HYAL3: variants seen among roughly 807,000 people sequenced by gnomAD.
The protein encoded by HYAL3 is hyaluronidase-3.
In HYAL3, 25 loss-of-function variants were observed where a neutral mutation model predicts 29.6. The ratio of observed to expected loss-of-function variants is 0.85; its 90% CI spans 0.62 to 1.18. The LOEUF is 1.18. Ranked by LOEUF, HYAL3 falls within the 50% of genes most tolerant of loss-of-function variation. The pLI, the probability that HYAL3 is intolerant of heterozygous loss-of-function variation, is 0.00. For synonymous variants in HYAL3, 215 were observed against 218.3 expected (o/e 0.99, Z 0.13); for missense variants, 442 against 548.4 (o/e 0.81, Z 1.94).
Position 50,294,793 on chromosome 3 carries a change from C to T in HYAL3, c.810G>A (p.Val270=). The T allele has an allele frequency of 6.6e-7, 1 of 1,519,058 alleles. No homozygotes were observed. The highest frequency in any genetic ancestry group is 8.8e-7 in the Non-Finnish European group (1 of 1,131,324). The allele number at this position is 1,519,058 out of a possible 1,614,324, so 94.1% of individuals were successfully genotyped here. Residue 270 remains valine, a synonymous_variant, in exon 2 of 4, where the codon GTG becomes GTA. Coordinates refer to ENST00000336307, the MANE Select transcript of HYAL3 (RefSeq NM_003549.4). ...GGGGATGTCGGTGCCCAACAAGGGC[C>T]ACACGGAAGGCCTCCTCCAGGCGAT... ...VRHRLEEAFR[V]ALVGHRHPLP...
At chr3:50,296,535 G>A (rs1239103742) in intron 1 of HYAL3, 137 of 1,550,766 alleles carry the variant, frequency 8.8e-5, no homozygotes, top group Non-Finnish European at 1.2e-4. Flanking sequence ...ATGGTCAGTG[G>A]GCTGAGGCTT....
intron 1 of HYAL3, chr3:50,298,823 G>C (rs782199464): frequency 7.3e-5 from 86 of 1,182,020 alleles, no homozygotes; most frequent in Non-Finnish European, 8.9e-5. Context: ...CCCCTCACCT[G>C]CATCAGCCAC....
At chr3:50,293,841 ACT>A (rs1701750340) in intron 2 of HYAL3, 120 bp from the exon 3 acceptor site, 15 of 906,752 alleles carry the variant, frequency 1.7e-5, no homozygotes, top group South Asian at 1.2e-4. Flanking sequence ...TACAGTAGGG[ACT>A]CTCTAGTTTG....
chr3:50,297,691 C>T lies in HYAL3; in HGVS notation c.-18+1522G>A. On this transcript the variant is annotated intron_variant, in intron 1 of 3. Transcript: ENST00000336307. This position sits in a 1 kb window ranked among gnomAD's most constrained non-coding sequence, Gnocchi z 4.3. ...TCTCCTCCTGTAGATAACAGCCATG[C>T]TGGGCTGTGCCAGGAGGGAGGGTGG... The T allele has an allele frequency of 7.3e-7, 1 of 1,373,856 alleles. No individual in the cohort carries two copies. Among genetic ancestry groups the T allele is most frequent in the Non-Finnish European group, 9.4e-7 (1 of 1,068,718 alleles). 85.1% of individuals were successfully genotyped at this position (1,373,856 alleles called of 1,614,324 possible).
At chr3:50,295,855 T>G in intron 1 of HYAL3, 1 of 522,510 alleles carries the variant, frequency 1.9e-6, no homozygotes, top group Non-Finnish European at 3.4e-6. Flanking sequence ...TACAGTGAGC[T>G]GAGGGTACAT....
chr3:50,297,745 G>A lies in HYAL3; in HGVS notation c.-18+1468C>T. On this transcript the variant is annotated intron_variant, in intron 1 of 3. Transcript: ENST00000336307. This position sits in a 1 kb window ranked among gnomAD's most constrained non-coding sequence, Gnocchi z 4.3. ...TGGAGCAGGGAAGGGCTGACAGAGT[G>A]CAGGGGGGACCATGCATACTGGAAC... is the stretch of plus-strand genomic sequence containing the variant. 5 of 1,321,636 alleles carry A rather than the reference G, an allele frequency of 3.8e-6. No individual in the cohort carries two copies. The East Asian group carries it at 1.5e-4, about 40-fold the overall frequency. The allele number at this position is 1,321,636 out of a possible 1,614,324, so 81.9% of individuals were successfully genotyped here.
Position 50,297,655 on chromosome 3 carries a change from A to C in HYAL3, c.-18+1558T>G. ...TCTCCAGGCAGTAGCATCTCTTCAG[A>C]CCACAGTGGCTCTCCTCCTGTAGAT... is the stretch of plus-strand genomic sequence containing the variant. On this transcript the variant is annotated intron_variant, in intron 1 of 3. Transcript: ENST00000336307. The surrounding 1 kb of genome is among the most constrained non-coding windows in gnomAD (Gnocchi z 4.3). 1 of 1,420,274 alleles carries C rather than the reference A, an allele frequency of 7.0e-7. No individual in the cohort carries two copies. Among genetic ancestry groups the C allele is most frequent in the Non-Finnish European group, 9.2e-7 (1 of 1,092,756 alleles). The allele number at this position is 1,420,274 out of a possible 1,614,324, so 88.0% of individuals were successfully genotyped here.
intron 2 of HYAL3, 95 bp from the exon 3 acceptor site, chr3:50,293,816 A>G: frequency 9.1e-7 from 1 of 1,104,018 alleles, no homozygotes; most frequent in Non-Finnish European, 1.4e-6. Flanking sequence ...CACTGTCACA[A>G]TCTGATTCTA....
chr3:50,296,336 A>G (rs1701837987), intron 1 of HYAL3: 2 of 502,896 alleles, frequency 4.0e-6, no homozygotes, highest in East Asian at 7.0e-5. Flanking sequence ...TTCTGCAGGG[A>G]TAAGGGACCT....
In HYAL3 at chr3:50,297,086, C is replaced by G; in HGVS notation, c.-17-1467G>C. 6.5e-7 allele frequency: 1 copy of G among 1,541,284 alleles called. No homozygotes were observed. Among genetic ancestry groups the G allele is most frequent in the South Asian group, 1.3e-5 (1 of 79,904 alleles). ...TCTGGGGCTGGTTCAGCACCCGTGACAGGCGGGCATGGCCCACCACAACGG... is the reference window on the plus strand; with the variant it reads ...TCTGGGGCTGGTTCAGCACCCGTGAGAGGCGGGCATGGCCCACCACAACGG... On this transcript the variant is annotated intron_variant, in intron 1 of 3. Transcript: ENST00000336307. This position sits in a 1 kb window ranked among gnomAD's most constrained non-coding sequence, Gnocchi z 4.3.
Position 50,297,331 on chromosome 3 carries a change from G to A in HYAL3, c.-17-1712C>T. The A allele has an allele frequency of 6.2e-7, 1 of 1,609,148 alleles. No individual in the cohort carries two copies. Among genetic ancestry groups the A allele is most frequent in the East Asian group, 2.2e-5 (1 of 44,814 alleles). On this transcript the variant is annotated intron_variant, in intron 1 of 3. Coordinates refer to ENST00000336307, the MANE Select transcript of HYAL3 (RefSeq NM_003549.4). This position sits in a 1 kb window ranked among gnomAD's most constrained non-coding sequence, Gnocchi z 4.3. The stretch of plus-strand genomic sequence containing the variant: ...GGGGTCTCCTCTGGCTGGTGTTCAG[G>A]ATCCAGGGTAAGCTCAGTTGGACCA...
intron 2 of HYAL3, among the ~76,000 whole-genome samples, chr3:50,293,967 C>T (rs1226197230): frequency 6.6e-6 from 1 of 152,172 alleles, no homozygotes; most frequent in African/African-American, 2.4e-5. Context: ...CCACCTCAGC[C>T]TCCCAAGCAG....
Position 50,293,644 on chromosome 3 carries a change from G to A in HYAL3, c.972C>T (p.Leu324=). 3 of 1,613,850 alleles carry A rather than the reference G, an allele frequency of 1.9e-6. No individual in the cohort carries two copies. Among genetic ancestry groups the A allele is most frequent in the Non-Finnish European group, 2.5e-6 (3 of 1,180,026 alleles). ...AGVVLWGDLS[L]SSSEEECWHL... is the part of the protein sequence containing the mutation. ...GGGCAATGATCACCTCAGAGCTGGA[G>A]AGGCTCAGGTCCCCCCAGAGCACCA... Residue 324 remains leucine (L), a synonymous_variant, in exon 3 of 4, where the codon CTC becomes CTT. Transcript: ENST00000336307.
chr3:50,293,353 G>T lies in HYAL3; in HGVS notation c.1147C>A (p.Pro383Thr). 1 of 1,613,502 alleles carries T rather than the reference G, an allele frequency of 6.2e-7. No homozygotes were observed. The highest frequency in any genetic ancestry group is 1.1e-5 in the South Asian group (1 of 91,092). ...TTCCAATCTCCAAGGCTGCCGTCTG[G>T]CCACAGGTGTAGAAAGGCTTCCATC... is the stretch of plus-strand genomic sequence containing the variant. ...GQMEAFLHLW[P>T]DGSLGDWKSF... The change falls in exon 4 of 4, where the codon CCA becomes ACA. Residue 383 changes from proline to threonine, a missense_variant. By Grantham distance (38) the Pro-to-Thr change is conservative. Transcript: ENST00000336307.
chr3:50,297,709 G>A lies in HYAL3; in HGVS notation c.-18+1504C>T. On this transcript the variant is annotated intron_variant, in intron 1 of 3. Transcript: ENST00000336307. This position sits in a 1 kb window ranked among gnomAD's most constrained non-coding sequence, Gnocchi z 4.3. ...AGCCATGCTGGGCTGTGCCAGGAGG[G>A]AGGGTGGGGTTGGAGCAGGGAAGGG... 2.9e-6 allele frequency: 4 copies of A among 1,366,022 alleles called. No homozygotes were observed. Among genetic ancestry groups the A allele is most frequent in the Middle Eastern group, 2.7e-4 (1 of 3,702 alleles). The allele number at this position is 1,366,022 out of a possible 1,614,324, so 84.6% of individuals were successfully genotyped here.
rs1702016762 is a variant in HYAL3, at chr3:50,299,247, T to C, written c.-52A>G. ...CTGGCCTCTGGGATGTTCCGCGTCC[T>C]AGCTCCGCACAGCTGGGTATCTCAC... On this transcript the variant is annotated 5_prime_UTR_variant, in exon 1 of 4. Transcript: ENST00000336307. 1 of 1,613,980 alleles carries C rather than the reference T, an allele frequency of 6.2e-7. No individual in the cohort carries two copies. The highest frequency in any genetic ancestry group is 8.5e-7 in the Non-Finnish European group (1 of 1,180,016).
At position 50,296,225 on chromosome 3, in the gene HYAL3, G is replaced by C. The variant is rs781800981; in HGVS notation, c.-17-606C>G. On this transcript the variant is annotated intron_variant, in intron 1 of 3. Coordinates refer to ENST00000336307, the MANE Select transcript of HYAL3 (RefSeq NM_003549.4). ...CAGTGAATGGTAATGAGTGAATGGG[G>C]AAGAAAACAGCCACCCTGTCTCCTG... Among the ~76,000 whole-genome samples the C allele has an allele frequency of 2.6e-5, 4 of 152,200 alleles. No individual in the cohort carries two copies. In the East Asian group the frequency reaches 5.8e-4, roughly 22 times the overall value.
Position 50,294,804 on chromosome 3 carries a change from C to A in HYAL3, c.799G>T (p.Ala267Ser), listed in dbSNP as rs372207643. 4 of 1,522,622 alleles carry A rather than the reference C, an allele frequency of 2.6e-6. 1 individual carries two copies. The East Asian group carries it at 9.1e-5, about 35-fold the overall frequency. The allele number at this position is 1,522,622 out of a possible 1,614,324, so 94.3% of individuals were successfully genotyped here. ...QAFVRHRLEE[A>S]FRVALVGHRH... ...TGCCCAACAAGGGCCACACGGAAGG[C>A]CTCCTCCAGGCGATGTCGGACAAAG... Residue 267 changes from alanine (A) to serine (S), a missense_variant, in exon 2 of 4, where the codon GCC becomes TCC. Physicochemically the swap from Ala to Ser is moderately conservative, Grantham distance 99. Coordinates refer to ENST00000336307, the MANE Select transcript of HYAL3 (RefSeq NM_003549.4).
At chr3:50,293,918 C>T (rs1253964183) in intron 2 of HYAL3, among the ~76,000 whole-genome samples, 197 bp from the exon 3 acceptor site, 2 of 152,182 alleles carry the variant, frequency 1.3e-5, no homozygotes, top group Non-Finnish European at 2.9e-5. Context: ...ATGATCATAG[C>T]TCACTGCAGC....
Sources: gnomAD v4.1 joint callset for allele counts (sites outside exome capture counted in the v4.1 genomes callset) on GRCh38, gnomAD v4.1.1 for gene constraint, Gnocchi (gnomAD v3.1) non-coding constraint, MANE v1.5 for transcripts, NCBI Gene and HGNC (gene_info 2026-07-23, HGNC 2026-07-21) for gene names.